RDH13: variants seen among roughly 807,000 people sequenced by gnomAD.
The protein encoded by RDH13 is retinol dehydrogenase 13 (all-trans and 9-cis).
Under a neutral mutation model 28.3 loss-of-function variants are expected in RDH13, and 35 were observed. The observed-to-expected ratio is 1.24, with a 90% confidence interval of 0.95 to 1.64. The LOEUF (loss-of-function observed/expected upper bound fraction) is 1.64. RDH13 is among the 40% of genes most tolerant of loss of function. The pLI, the probability that RDH13 is intolerant of heterozygous loss-of-function variation, is 0.00. For missense variants in RDH13, 514 were observed against 446.3 expected (o/e 1.15, Z -1.37); for synonymous variants, 229 against 198.5 (o/e 1.15, Z -1.29).
chr19:55,054,735 A>ATTTT (rs61279685), intron 3 of RDH13, among the ~76,000 whole-genome samples: 12,360 of 147,578 alleles, frequency 0.084, 969 homozygotes, highest in African/African-American at 0.21. Flanking sequence ...TGCCCGGCTA[A>ATTTT]TTTTTTTTTT....
At chr19:55,056,946 T>C (rs1005425675) in intron 2 of RDH13, 138 bp from the exon 3 acceptor site, 2 of 727,686 alleles carry the variant, frequency 2.7e-6, no homozygotes, top group African/African-American at 1.8e-5. Context: ...AGCCAAAAGG[T>C]AGAAACAACC....
intron 1 of RDH13, 109 bp from the exon 2 acceptor site, chr19:55,059,384 C>A (rs1166424805): frequency 1.5e-6 from 1 of 677,082 alleles, no homozygotes; most frequent in South Asian, 1.7e-5. Flanking sequence ...CATACCCCAA[C>A]TGAAACACAG....
chr19:55,058,983 C>A (rs2147061437), intron 2 of RDH13, among the ~76,000 whole-genome samples, 174 bp downstream of exon 2: 1 of 152,320 alleles, frequency 6.6e-6, no homozygotes, highest in South Asian at 2.1e-4. Context: ...GGCCAGAATG[C>A]CCTTCCTTTT....
At chr19:55,054,228 G>T (rs968405407) in intron 3 of RDH13, among the ~76,000 whole-genome samples, 8 of 152,282 alleles carry the variant, frequency 5.3e-5, no homozygotes, top group Admixed American at 1.3e-4. Context: ...TTCATTTCCT[G>T]AGTACCCGTT....
intron 1 of RDH13, 133 bp downstream of exon 1, chr19:55,062,835 T>G (rs931437876): frequency 1.3e-6 from 1 of 768,902 alleles, no homozygotes; most frequent in Non-Finnish European, 1.9e-6. Context: ...TTTGCCCCAC[T>G]CCGGGCGGGC....
chr19:55,052,276 C>T (rs2075469841), intron 3 of RDH13, among the ~76,000 whole-genome samples: 1 of 151,878 alleles, frequency 6.6e-6, no homozygotes, highest in Non-Finnish European at 1.5e-5. Context: ...GGCATGGTGG[C>T]AGGTGCCTGT....
At chr19:55,050,725 G>A (rs1441643372) in intron 3 of RDH13, 1 of 152,208 alleles carries the variant, frequency 6.6e-6, no homozygotes, top group East Asian at 1.9e-4. Context: ...CATGCTGAGG[G>A]ATGGGGGTTC....
intron 3 of RDH13, among the ~76,000 whole-genome samples, chr19:55,050,112 A>ATT (rs754926169): frequency 9.4e-6 from 1 of 106,736 alleles, no homozygotes; most frequent in African/African-American, 3.1e-5. Context: ...CCCCCAGCCT[A>ATT]TTTTTTTTTT....
At chr19:55,045,433 C>G in intron 6 of RDH13, 124 bp from the exon 7 acceptor site, 1 of 672,264 alleles carries the variant, frequency 1.5e-6, no homozygotes, top group Non-Finnish European at 2.5e-6. Flanking sequence ...GCCCTTTCCC[C>G]TTGGCTGCCT....
At chr19:55,067,402 G>C (rs1332612550), upstream of RDH13, 1 of 152,204 alleles carries the variant, frequency 6.6e-6, no homozygotes, top group Non-Finnish European at 1.5e-5. Flanking sequence ...ATTTCCCTCA[G>C]CCAGGGAGGA....
At chr19:55,039,800 T>C (rs1654436), downstream of RDH13, 70,862 of 149,788 alleles carry the variant, frequency 0.47, 16,927 homozygotes, top group East Asian at 0.59. Flanking sequence ...GATCGCGCCA[T>C]TGCACTCCAG....
intron 3 of RDH13, among the ~76,000 whole-genome samples, chr19:55,049,930 CCCTCTTCCCTT>C (rs66611027): frequency 0.46 from 67,498 of 146,516 alleles, 15,446 homozygotes; most frequent in East Asian, 0.58. Flanking sequence ...TCTCCTCTCT[CCCTCTTCCCTT>C]CCTCTTCCCT....
upstream of RDH13, among the ~76,000 whole-genome samples, chr19:55,065,730 G>A (rs1419104358): frequency 6.6e-6 from 1 of 151,388 alleles, no homozygotes; most frequent in Non-Finnish European, 1.5e-5. Flanking sequence ...CAGTTCGCCA[G>A]CTCCTGTTTG....
intron 3 of RDH13, among the ~76,000 whole-genome samples, chr19:55,049,340 C>G (rs1167572242): frequency 6.6e-6 from 1 of 152,164 alleles, no homozygotes; most frequent in Non-Finnish European, 1.5e-5. Context: ...ATTCCCAAAC[C>G]TGCCACCTCA....
chr19:55,053,901 G>A (rs2075545363), intron 3 of RDH13: 1 of 151,788 alleles, frequency 6.6e-6, no homozygotes, highest in Admixed American at 6.6e-5. Flanking sequence ...GCTGTACCTG[G>A]TACACAGCAG....
intron 3 of RDH13, among the ~76,000 whole-genome samples, chr19:55,055,942 C>T (rs1436124674): frequency 6.6e-6 from 1 of 152,044 alleles, no homozygotes; most frequent in Non-Finnish European, 1.5e-5. Context: ...CACCTGAGGT[C>T]AGGAGTTCGA....
In RDH13 at chr19:55,056,735, G is replaced by A. The variant is rs1270343359; in HGVS notation, c.258C>T (p.Thr86=). Residue 86 remains threonine (T), a synonymous_variant, in exon 3 of 7, where the codon ACC becomes ACT. Transcript: ENST00000415061. ...GCCGGGCGTTGACATGGTGATTGAG[G>A]GTCTCCCCGCGGATGTCCTTTGCTG... is the stretch of plus-strand genomic sequence containing the variant. ...EAAAKDIRGE[T]LNHHVNARHL... 1 of 1,613,850 alleles carries A rather than the reference G, an allele frequency of 6.2e-7. No homozygotes were observed. Among genetic ancestry groups the A allele is most frequent in the Non-Finnish European group, 8.5e-7 (1 of 1,180,014 alleles).
intron 3 of RDH13, among the ~76,000 whole-genome samples, chr19:55,049,275 G>A (rs1461836769): frequency 3.9e-5 from 6 of 152,110 alleles, no homozygotes; most frequent in African/African-American, 1.4e-4. Context: ...CCGGAGCCCC[G>A]AGGCCAAAAA....
chr19:55,061,337 G>T (rs1289305359), intron 1 of RDH13, among the ~76,000 whole-genome samples: 1 of 151,926 alleles, frequency 6.6e-6, no homozygotes, highest in African/African-American at 2.4e-5. Flanking sequence ...TACCACGTTG[G>T]TCAGGCTGGT....
Sources: allele counts gnomAD v4.1 joint callset (sites outside exome capture counted in the v4.1 genomes callset), GRCh38; gene constraint gnomAD v4.1.1; transcripts MANE v1.5; gene names NCBI Gene and HGNC (gene_info 2026-07-23, HGNC 2026-07-21).